The following SSBP2 variants were observed in gnomAD, a reference collection of about 807,000 sequenced individuals.
The protein encoded by SSBP2 is single-stranded DNA-binding protein 2.
SSBP2 carries 17 observed loss-of-function variants against 61.8 expected under a neutral mutation model. The ratio of observed to expected loss-of-function variants is 0.28; its 90% CI spans 0.19 to 0.41. The LOEUF (loss-of-function observed/expected upper bound fraction) is 0.41. Ranked by LOEUF, SSBP2 falls within the 10% of genes least tolerant of loss-of-function variation. The pLI is 1.00. For missense variants in SSBP2, 310 were observed against 458.7 expected (o/e 0.68, Z 2.96); for synonymous variants, 139 against 141.3 (o/e 0.98, Z 0.12).
chr5:81,526,580 C>T (rs570858564), intron 4 of SSBP2, among the ~76,000 whole-genome samples: 1 of 151,974 alleles, frequency 6.6e-6, no homozygotes, highest in Middle Eastern at 3.4e-3. Flanking sequence ...CATAAAATGG[C>T]TTTGAATTTA....
chr5:81,693,615 A>G (rs1156509419), intron 1 of SSBP2, among the ~76,000 whole-genome samples: 1 of 152,210 alleles, frequency 6.6e-6, no homozygotes, highest in African/African-American at 2.4e-5. Flanking sequence ...AAACCAAACA[A>G]AAGTTCAATG....
intron 15 of SSBP2, among the ~76,000 whole-genome samples, chr5:81,431,022 A>G (rs1300801448): frequency 2.0e-5 from 3 of 152,202 alleles, no homozygotes; most frequent in African/African-American, 7.2e-5. Context: ...GCTAAAGGGC[A>G]TATTCAATAT....
chr5:81,743,379 C>T (rs369618585), intron 1 of SSBP2, among the ~76,000 whole-genome samples: 73 of 152,230 alleles, frequency 4.8e-4, no homozygotes, highest in African/African-American at 1.6e-3. Flanking sequence ...AGAACCTTCC[C>T]GACTACCCAA....
At chr5:81,703,081 G>A (rs1286961121) in intron 1 of SSBP2, among the ~76,000 whole-genome samples, 1 of 152,104 alleles carries the variant, frequency 6.6e-6, no homozygotes, top group Admixed American at 6.6e-5. Flanking sequence ...TATTCTTTGT[G>A]TGGTGGCTAC....
At chr5:81,654,063 C>T (rs1364540744) in intron 1 of SSBP2, among the ~76,000 whole-genome samples, 1 of 151,698 alleles carries the variant, frequency 6.6e-6, no homozygotes, top group African/African-American at 2.4e-5. Context: ...TGATCATAGC[C>T]ATCTTCCTGC....
intron 1 of SSBP2, among the ~76,000 whole-genome samples, chr5:81,683,371 T>A (rs1581335775): frequency 6.6e-6 from 1 of 152,008 alleles, no homozygotes; most frequent in South Asian, 2.1e-4. Context: ...GTAAAGGCAA[T>A]ACAATGGAGC....
At chr5:81,665,105 T>C (rs998872802) in intron 1 of SSBP2, among the ~76,000 whole-genome samples, 7 of 152,168 alleles carry the variant, frequency 4.6e-5, no homozygotes, top group African/African-American at 1.2e-4. Flanking sequence ...AAAATATCAA[T>C]GGTAGTTTAA....
intron 1 of SSBP2, among the ~76,000 whole-genome samples, chr5:81,699,392 A>G (rs1170176581): frequency 1.3e-5 from 2 of 152,252 alleles, no homozygotes; most frequent in Non-Finnish European, 2.9e-5. Context: ...AAACCCTGCC[A>G]CTGTTTTATC....
upstream of SSBP2, chr5:81,751,191 G>A: frequency 2.5e-6 from 2 of 809,646 alleles, no homozygotes; most frequent in Non-Finnish European, 3.9e-6. Flanking sequence ...CCCAGGCAAC[G>A]CGCGAGACTG....
intron 1 of SSBP2, among the ~76,000 whole-genome samples, chr5:81,671,308 A>G (rs1488343075): frequency 6.6e-6 from 1 of 152,162 alleles, no homozygotes; most frequent in Non-Finnish European, 1.5e-5. Flanking sequence ...GCATTAAGCC[A>G]CTTCTTAGCC....
intron 5 of SSBP2, among the ~76,000 whole-genome samples, chr5:81,495,531 C>A (rs967129422): frequency 2.0e-5 from 3 of 152,242 alleles, no homozygotes; most frequent in African/African-American, 7.2e-5. Context: ...GCTCCATTTC[C>A]CCTACTTCAT....
rs1762095526 is a variant in SSBP2, at chr5:81,428,567, AG to A, written c.1056+17del. 2 of 1,581,464 alleles carry A rather than the reference AG, an allele frequency of 1.3e-6. No individual in the cohort carries two copies. Among genetic ancestry groups the A allele is most frequent in the African/African-American group, 1.3e-5 (1 of 74,284 alleles). ...CAGAAATAAAATTTGAGTATAATAT[AG>A]TCAAGGGAATACTTACACTCTCACT... On this transcript the variant is annotated intron_variant, in intron 16 of 16. Coordinates refer to ENST00000320672, the MANE Select transcript of SSBP2 (RefSeq NM_012446.5).
chr5:81,681,250 T>C (rs1752356278), intron 1 of SSBP2, among the ~76,000 whole-genome samples: 1 of 152,038 alleles, frequency 6.6e-6, no homozygotes, highest in Non-Finnish European at 1.5e-5. Context: ...TCAGGCGCGG[T>C]GGCTCATGCC....
intron 4 of SSBP2, among the ~76,000 whole-genome samples, chr5:81,536,455 T>TC (rs963815328): frequency 1.3e-5 from 2 of 151,994 alleles, no homozygotes; most frequent in Admixed American, 1.3e-4. Context: ...TTTTTCCTGA[T>TC]CCCCTTTCTC....
At chr5:81,433,001 G>A (rs1399865365) in intron 15 of SSBP2, among the ~76,000 whole-genome samples, 4 of 148,284 alleles carry the variant, frequency 2.7e-5, no homozygotes, top group African/African-American at 1.0e-4. Flanking sequence ...TCAGACTCCC[G>A]CCCGGCCAGC....
At chr5:81,642,105 T>C (rs1561643487) in intron 2 of SSBP2, among the ~76,000 whole-genome samples, 1 of 152,200 alleles carries the variant, frequency 6.6e-6, no homozygotes, top group South Asian at 2.1e-4. Context: ...ATGGGTGGTA[T>C]TGAGGAATGG....
chr5:81,518,655 T>C (rs1266034864), intron 4 of SSBP2, among the ~76,000 whole-genome samples: 1 of 152,150 alleles, frequency 6.6e-6, no homozygotes, highest in Non-Finnish European at 1.5e-5. Context: ...CTGTAGGTAC[T>C]TTATGAGAAA....
chr5:81,638,946 T>C (rs964224879), intron 2 of SSBP2, among the ~76,000 whole-genome samples: 6 of 152,222 alleles, frequency 3.9e-5, no homozygotes, highest in Admixed American at 6.5e-5. Context: ...CAGATCACCA[T>C]TAAAATATCA....
chr5:81,504,893 T>C (rs998498469), intron 5 of SSBP2, among the ~76,000 whole-genome samples: 1 of 152,210 alleles, frequency 6.6e-6, no homozygotes, highest in Non-Finnish European at 1.5e-5. Context: ...GTAAGACTTA[T>C]CTGTTAAAAA....
Sources: gnomAD v4.1 joint callset for allele counts (sites outside exome capture counted in the v4.1 genomes callset) on GRCh38, gnomAD v4.1.1 for gene constraint, MANE v1.5 for transcripts, NCBI Gene and HGNC (gene_info 2026-07-23, HGNC 2026-07-21) for gene names.